The following LRRTM4 variants were observed in gnomAD, a reference collection of about 807,000 sequenced individuals.
The protein encoded by LRRTM4 is leucine rich repeat transmembrane neuronal 4, also known as leucine-rich repeat transmembrane neuronal protein 4.
A neutral mutation model predicts 47.6 loss-of-function variants in LRRTM4; 25 were observed. The ratio of observed to expected loss-of-function variants is 0.53; its 90% CI spans 0.38 to 0.73. The LOEUF is 0.73. Among genes scored for constraint, LRRTM4 ranks in the 30% least tolerant of loss-of-function variants. The probability of loss-of-function intolerance (pLI) is 0.00; values close to 1 mark genes in which losing one functional copy is unlikely to be tolerated. For missense variants in LRRTM4, 638 were observed against 713.4 expected (o/e 0.89, Z 1.20); for synonymous variants, 311 against 269.5 (o/e 1.15, Z -1.51).
At chr2:76,856,510 A>T (rs1672155100) in intron 3 of LRRTM4, among the ~76,000 whole-genome samples, 2 of 152,090 alleles carry the variant, frequency 1.3e-5, no homozygotes. Flanking sequence ...TTAATCTCAG[A>T]TATGTGATTT....
At chr2:76,870,229 T>C (rs1434318508) in intron 3 of LRRTM4, among the ~76,000 whole-genome samples, 1 of 152,170 alleles carries the variant, frequency 6.6e-6, no homozygotes, top group Non-Finnish European at 1.5e-5. Context: ...TGCCTTCTCC[T>C]GGAAGAATAT....
At chr2:76,897,478 A>T (rs1047386315) in intron 3 of LRRTM4, among the ~76,000 whole-genome samples, 2 of 152,162 alleles carry the variant, frequency 1.3e-5, no homozygotes, top group African/African-American at 2.4e-5. Context: ...TATGTGCTAT[A>T]TAAGTGTATA....
At chr2:77,320,804 C>G (rs997516596) in intron 3 of LRRTM4, among the ~76,000 whole-genome samples, 1 of 151,854 alleles carries the variant, frequency 6.6e-6, no homozygotes, top group Non-Finnish European at 1.5e-5. Flanking sequence ...TGAATTAAAA[C>G]AATAGATGTG....
At chr2:77,318,836 C>G (rs1677697567) in intron 3 of LRRTM4, among the ~76,000 whole-genome samples, 1 of 151,970 alleles carries the variant, frequency 6.6e-6, no homozygotes, top group African/African-American at 2.4e-5. Context: ...ATCTGATTGA[C>G]TTCTGTAAAA....
intron 3 of LRRTM4, among the ~76,000 whole-genome samples, chr2:76,843,909 A>T (rs58523654): frequency 0.099 from 13,585 of 137,308 alleles, 1,062 homozygotes; most frequent in East Asian, 0.33. Context: ...TTCTTTTTTC[A>T]TTTTTTTTTT....
intron 3 of LRRTM4, among the ~76,000 whole-genome samples, chr2:77,227,770 C>A (rs1157981350): frequency 6.6e-6 from 1 of 152,018 alleles, no homozygotes; most frequent in Non-Finnish European, 1.5e-5. Flanking sequence ...TTATGTTGTG[C>A]AATAACTGTT....
intron 3 of LRRTM4, among the ~76,000 whole-genome samples, chr2:76,915,355 T>C (rs1360596266): frequency 1.3e-5 from 2 of 152,184 alleles, no homozygotes; most frequent in African/African-American, 4.8e-5. Context: ...TTGAGGGTCA[T>C]TCTGGGTAAA....
chr2:76,878,344 CG>C (rs1558708590), intron 3 of LRRTM4, among the ~76,000 whole-genome samples: 1 of 151,844 alleles, frequency 6.6e-6, no homozygotes, highest in East Asian at 1.9e-4. Context: ...TGAAATTAGA[CG>C]AATTAATAAC....
At position 76,796,443 on chromosome 2, in the gene LRRTM4, G is replaced by A. The variant is rs1275206135; in HGVS notation, c.1552-47527C>T. ...TCTGACAGCTTTGAAGAGAGCTGTG[G>A]TTCTCCCAGCATGCAGCTGGAGATC... is the stretch of plus-strand genomic sequence containing the variant. On this transcript the variant is annotated intron_variant, in intron 3 of 3. Transcript: ENST00000409884. Among the ~76,000 whole-genome samples the A allele has an allele frequency of 3.0e-5, 4 of 132,994 alleles. 1 individual carries two copies. Among genetic ancestry groups the A allele is most frequent in the African/African-American group, 5.9e-5 (2 of 34,114 alleles). 87.2% of individuals were successfully genotyped at this position (132,994 alleles called of 152,430 possible). A position where few individuals can be genotyped will look rare whatever the true frequency, so the allele number is the denominator to read the frequency against.
At chr2:76,773,639 T>C (rs568757765) in intron 3 of LRRTM4, among the ~76,000 whole-genome samples, 1 of 151,818 alleles carries the variant, frequency 6.6e-6, no homozygotes, top group African/African-American at 2.4e-5. Context: ...TAATAAATTA[T>C]TAAAATTCCC....
At chr2:77,066,602 C>T (rs537134841) in intron 3 of LRRTM4, among the ~76,000 whole-genome samples, 18 of 152,160 alleles carry the variant, frequency 1.2e-4, no homozygotes, top group African/African-American at 4.1e-4. Flanking sequence ...AAAATGCCAA[C>T]ATGAAGAAAA....
At chr2:77,166,094 A>C (rs1471671030) in intron 3 of LRRTM4, among the ~76,000 whole-genome samples, 1 of 152,214 alleles carries the variant, frequency 6.6e-6, no homozygotes, top group Non-Finnish European at 1.5e-5. Context: ...TAAGCTGATA[A>C]GCAACTTCAG....
At chr2:77,074,435 A>G (rs1263189207) in intron 3 of LRRTM4, among the ~76,000 whole-genome samples, 2 of 152,110 alleles carry the variant, frequency 1.3e-5, no homozygotes, top group Admixed American at 6.6e-5. Flanking sequence ...TAGTAGTAGT[A>G]AGATCATATC....
chr2:77,421,186 T>C (rs1674866657), intron 3 of LRRTM4, among the ~76,000 whole-genome samples: 1 of 152,132 alleles, frequency 6.6e-6, no homozygotes, highest in Non-Finnish European at 1.5e-5. Context: ...CCATTTAAAA[T>C]TATGAGTTAT....
At chr2:76,822,462 T>A (rs539811739) in intron 3 of LRRTM4, among the ~76,000 whole-genome samples, 2 of 151,400 alleles carry the variant, frequency 1.3e-5, no homozygotes, top group African/African-American at 4.8e-5. Context: ...AAACTAGTAA[T>A]GTTAATGAAT....
chr2:77,437,412 C>A (rs889564901), intron 3 of LRRTM4, among the ~76,000 whole-genome samples: 8 of 151,976 alleles, frequency 5.3e-5, no homozygotes, highest in African/African-American at 1.9e-4. Context: ...CTCAACCCCA[C>A]TGACTTTTTA....
intron 3 of LRRTM4, among the ~76,000 whole-genome samples, chr2:76,960,987 A>C (rs2103912455): frequency 6.6e-6 from 1 of 151,704 alleles, no homozygotes; most frequent in South Asian, 2.1e-4. Flanking sequence ...TTTTCAATAT[A>C]ATTTTGTAAT....
At chr2:76,780,343 T>A (rs993887623) in intron 3 of LRRTM4, among the ~76,000 whole-genome samples, 1 of 152,212 alleles carries the variant, frequency 6.6e-6, no homozygotes, top group African/African-American at 2.4e-5. Context: ...CTGGATAATC[T>A]CCTGCAGAGT....
At chr2:77,090,009 T>A (rs909735940) in intron 3 of LRRTM4, among the ~76,000 whole-genome samples, 44 of 152,188 alleles carry the variant, frequency 2.9e-4, no homozygotes, top group South Asian at 4.2e-4. Context: ...GAGTCTTTGT[T>A]ATCTTCCTTT....
Sources: allele counts gnomAD v4.1 joint callset (sites outside exome capture counted in the v4.1 genomes callset), GRCh38; gene constraint gnomAD v4.1.1; transcripts MANE v1.5; gene names NCBI Gene and HGNC (gene_info 2026-07-23, HGNC 2026-07-21).